The following CHD7 variants were observed in gnomAD, a reference collection of about 807,000 sequenced individuals.
The protein encoded by CHD7 is ATP-dependent chromatin remodeler CHD7.
A neutral mutation model predicts 307.3 loss-of-function variants in CHD7; 24 were observed. The observed-to-expected ratio is 0.08, with a 90% CI of 0.06 to 0.11. The LOEUF (loss-of-function observed/expected upper bound fraction) is 0.11, where lower values mean the gene tolerates loss of function less well. Ranked by LOEUF, CHD7 falls within the 10% of genes least tolerant of loss-of-function variation. The pLI is 1.00. For missense variants in CHD7, 3,106 were observed against 3,727.1 expected (o/e 0.83, Z 4.34); for synonymous variants, 1,363 against 1,349.9 (o/e 1.01, Z -0.21).
At chr8:60,836,545 A>C (rs1249294664) in intron 16 of CHD7, among the ~76,000 whole-genome samples, 1 of 152,132 alleles carries the variant, frequency 6.6e-6, no homozygotes, top group Admixed American at 6.5e-5. Context: ...CTTAAAATTG[A>C]AATTATTTGT....
At chr8:60,826,358 A>G (rs1273800697) in intron 13 of CHD7, among the ~76,000 whole-genome samples, 4 of 152,350 alleles carry the variant, frequency 2.6e-5, no homozygotes, top group East Asian at 1.9e-4. Context: ...GATGGAACAC[A>G]TTATTGTTCA....
intron 2 of CHD7, among the ~76,000 whole-genome samples, chr8:60,765,766 A>T (rs149337435): frequency 6.6e-6 from 1 of 152,340 alleles, no homozygotes; most frequent in African/African-American, 2.4e-5. Context: ...GTTCACAGGG[A>T]ATCACCAGTC....
chr8:60,748,834 C>T (rs1000825295), intron 2 of CHD7, among the ~76,000 whole-genome samples: 1 of 151,756 alleles, frequency 6.6e-6, no homozygotes, highest in Non-Finnish European at 1.5e-5. Context: ...TTAATTTGGT[C>T]CTGAAATAAC....
chr8:60,837,110 G>A (rs140783748), intron 17 of CHD7, 98 bp downstream of exon 17: 156 of 925,610 alleles, frequency 1.7e-4, no homozygotes, highest in Non-Finnish European at 2.2e-4. Flanking sequence ...ATGTTGCGTC[G>A]TCACTCAGGC....
intron 23 of CHD7, among the ~76,000 whole-genome samples, chr8:60,847,275 T>C (rs1563654088): frequency 6.6e-6 from 1 of 152,140 alleles, no homozygotes; most frequent in Non-Finnish European, 1.5e-5. Context: ...TCCTAGTTGT[T>C]ATTTTGAAGT....
intron 34 of CHD7, among the ~76,000 whole-genome samples, chr8:60,859,341 G>A (rs984608165): frequency 1.3e-5 from 2 of 152,194 alleles, no homozygotes; most frequent in Admixed American, 1.3e-4. Flanking sequence ...CACTCTAACT[G>A]TGCTGCCATG....
Position 60,793,083 on chromosome 8 carries a change from G to A in CHD7, c.2097-1903G>A, listed in dbSNP as rs752803431. 2.0e-4 allele frequency among the ~76,000 whole-genome samples: 30 copies of A among 152,230 alleles called. No individual in the cohort carries two copies. In the East Asian group the frequency reaches 2.3e-3, roughly 12 times the overall value. On this transcript the variant is annotated intron_variant, in intron 3 of 37. Coordinates refer to ENST00000423902, the MANE Select transcript of CHD7 (RefSeq NM_017780.4). ...CCAGGGTAATCTGATTGCTCTTGGC[G>A]TGCAGATGAAAGGAAAGGGGCCCAG...
chr8:60,689,764 A>G (rs550642893), intron 1 of CHD7, among the ~76,000 whole-genome samples: 1 of 152,366 alleles, frequency 6.6e-6, no homozygotes, highest in East Asian at 1.9e-4. Flanking sequence ...TTCAACCTGA[A>G]AGACACATGC....
intron 12 of CHD7, among the ~76,000 whole-genome samples, 165 bp from the exon 13 acceptor site, chr8:60,823,675 C>T (rs1246308188): frequency 8.5e-5 from 13 of 152,052 alleles, no homozygotes; most frequent in Non-Finnish European, 1.9e-4. Flanking sequence ...TCTGTTTTAC[C>T]ATATCGTTTA....
intron 3 of CHD7, among the ~76,000 whole-genome samples, chr8:60,787,829 C>CT (rs33993174): frequency 0.011 from 1,167 of 108,762 alleles, 15 homozygotes; most frequent in African/African-American, 0.032. Flanking sequence ...GATTTTCTTT[C>CT]TTTTTTTTTT....
intron 1 of CHD7, among the ~76,000 whole-genome samples, chr8:60,706,363 G>C (rs2150516170): frequency 6.6e-6 from 1 of 152,274 alleles, no homozygotes; most frequent in African/African-American, 2.4e-5. Context: ...TTACACAGTT[G>C]ATAAAATAGC....
At chr8:60,845,481 C>T (rs1805165806) in intron 23 of CHD7, 72 bp downstream of exon 23, 11 of 1,489,546 alleles carry the variant, frequency 7.4e-6, no homozygotes, top group East Asian at 2.5e-5. Context: ...TGCAGCCGGC[C>T]CTTCACGTCT....
Position 60,741,902 on chromosome 8 carries a change from G to C in CHD7, c.470G>C (p.Arg157Pro). Residue 157 changes from arginine to proline, a missense_variant, in exon 2 of 38, where the codon CGA (arginine) becomes CCA (proline). Physicochemically the swap from Arg to Pro is moderately radical, Grantham distance 103. Coordinates refer to ENST00000423902, the MANE Select transcript of CHD7 (RefSeq NM_017780.4). ...GCTGTTCAGGTACCAGACCAGATAC[G>C]AGCCCCCTACCAGCAGCAGCAGCCA... ...PRAVQVPDQI[R>P]APYQQQQPQP... 6.2e-7 allele frequency: 1 copy of C among 1,613,026 alleles called. No homozygotes were observed. Among genetic ancestry groups the C allele is most frequent in the Non-Finnish European group, 8.5e-7 (1 of 1,179,560 alleles).
intron 6 of CHD7, among the ~76,000 whole-genome samples, chr8:60,806,775 G>C (rs1471099249): frequency 6.6e-6 from 1 of 152,136 alleles, no homozygotes; most frequent in South Asian, 2.1e-4. Flanking sequence ...GGCTGAGACG[G>C]GGGGATTGCT....
At chr8:60,750,438 T>G (rs1425433872) in intron 2 of CHD7, among the ~76,000 whole-genome samples, 1 of 152,262 alleles carries the variant, frequency 6.6e-6, no homozygotes, top group Non-Finnish European at 1.5e-5. Context: ...ATAACATTTC[T>G]GGCTGTCCTA....
At chr8:60,702,987 T>G (rs1479911504) in intron 1 of CHD7, among the ~76,000 whole-genome samples, 2 of 152,218 alleles carry the variant, frequency 1.3e-5, no homozygotes, top group Admixed American at 6.5e-5. Context: ...GCTCAAGCAC[T>G]TTTCATATCT....
intron 1 of CHD7, among the ~76,000 whole-genome samples, chr8:60,735,318 G>A (rs1243218169): frequency 6.6e-6 from 1 of 152,198 alleles, no homozygotes; most frequent in Non-Finnish European, 1.5e-5. Flanking sequence ...TACGATGTCA[G>A]TGGTTTTCCT....
At chr8:60,810,984 G>A (rs114642104) in intron 7 of CHD7, among the ~76,000 whole-genome samples, 344 of 152,288 alleles carry the variant, frequency 2.3e-3, no homozygotes, top group African/African-American at 8.0e-3. Flanking sequence ...GTTGTGAACT[G>A]TGCATGCGAA....
rs1216345711 is a variant in CHD7 at position 60,822,710 on chromosome 8, C to T, written c.3165C>T (p.Thr1055=). The change falls in exon 12 of 38, where the codon ACC becomes ACT. Residue 1055 remains threonine, a synonymous_variant. Coordinates refer to ENST00000423902, the MANE Select transcript of CHD7 (RefSeq NM_017780.4). ...ATGGGAGTCAAGCTAGTCGTCGGAC[C>T]ATTCAGTTGTATGAAATGTACTTCA... is the stretch of plus-strand genomic sequence containing the variant. The part of the protein sequence containing the change: ...VYHGSQASRR[T]IQLYEMYFKD... The T allele has an allele frequency of 3.1e-6, 5 of 1,612,840 alleles. No homozygotes were observed. In the South Asian group the frequency reaches 3.3e-5, roughly 11 times the overall value.
Sources: gnomAD v4.1 joint callset for allele counts (sites outside exome capture counted in the v4.1 genomes callset) on GRCh38, gnomAD v4.1.1 for gene constraint, MANE v1.5 for transcripts, NCBI Gene and HGNC (gene_info 2026-07-23, HGNC 2026-07-21) for gene names.